The following PDSS1 variants were observed in gnomAD, a reference collection of about 807,000 sequenced individuals.
The protein encoded by PDSS1 is decaprenyl diphosphate synthase subunit 1, also known as all trans-polyprenyl-diphosphate synthase PDSS1.
In PDSS1, 43 loss-of-function variants were observed where a neutral mutation model predicts 57.5. The observed-to-expected ratio is 0.75, with a 90% CI of 0.59 to 0.96. The LOEUF (loss-of-function observed/expected upper bound fraction) is 0.96, where lower values mean the gene tolerates loss of function less well. PDSS1 is among the 50% of genes least tolerant of loss of function. The probability of loss-of-function intolerance (pLI) is 0.00; values close to 1 mark genes in which losing one functional copy is unlikely to be tolerated. For synonymous variants in PDSS1, 175 were observed against 191.3 expected (o/e 0.91, Z 0.70); for missense variants, 438 against 527.8 (o/e 0.83, Z 1.67).
At chr10:26,709,555 C>A in intron 4 of PDSS1, 83 bp from the exon 5 acceptor site, 1 of 1,411,134 alleles carries the variant, frequency 7.1e-7, no homozygotes, top group Non-Finnish European at 1.0e-6. Flanking sequence ...GAGCGAAACT[C>A]CGTCTCAAAA....
intron 1 of PDSS1, among the ~76,000 whole-genome samples, chr10:26,700,261 C>G (rs935279027): frequency 1.3e-5 from 2 of 148,850 alleles, no homozygotes; most frequent in African/African-American, 5.0e-5. Context: ...CCCTCCCCCC[C>G]ACCCCGCTTG....
At chr10:26,721,591 C>T (rs143070695) in intron 6 of PDSS1, among the ~76,000 whole-genome samples, 2 of 152,282 alleles carry the variant, frequency 1.3e-5, no homozygotes, top group East Asian at 3.9e-4. Flanking sequence ...GTCCTGTTGA[C>T]TAAATTCTGT....
intron 4 of PDSS1, among the ~76,000 whole-genome samples, chr10:26,709,086 A>G (rs1835335850): frequency 6.6e-6 from 1 of 152,092 alleles, no homozygotes; most frequent in Non-Finnish European, 1.5e-5. Context: ...TGATTCTGTC[A>G]GCGGGGCAGG....
intron 1 of PDSS1, among the ~76,000 whole-genome samples, chr10:26,699,201 G>A (rs1443516284): frequency 1.3e-5 from 2 of 152,140 alleles, no homozygotes; most frequent in Non-Finnish European, 2.9e-5. Context: ...ATGCTAGAGA[G>A]TAAAGAGAAC....
intron 1 of PDSS1, 127 bp downstream of exon 1, chr10:26,697,967 G>C (rs1588662961): frequency 1.1e-6 from 1 of 909,024 alleles, no homozygotes; most frequent in African/African-American, 1.7e-5. Flanking sequence ...TAGCTCCGGG[G>C]TAGCTCCGGG....
chr10:26,740,020 T>C (rs1383159587), intron 10 of PDSS1, among the ~76,000 whole-genome samples: 2 of 151,774 alleles, frequency 1.3e-5, no homozygotes, highest in Admixed American at 6.6e-5. Flanking sequence ...CTTGCGCCTG[T>C]AGTCCCAAGT....
At chr10:26,741,148 G>C (rs1265087873) in intron 10 of PDSS1, among the ~76,000 whole-genome samples, 1 of 152,116 alleles carries the variant, frequency 6.6e-6, no homozygotes, top group Non-Finnish European at 1.5e-5. Flanking sequence ...CCCCAAGCCA[G>C]TATAACCAAA....
At chr10:26,737,145 A>C (rs1234737988) in intron 10 of PDSS1, among the ~76,000 whole-genome samples, 3 of 152,180 alleles carry the variant, frequency 2.0e-5, no homozygotes, top group African/African-American at 4.8e-5. Context: ...TTTTCCCTGG[A>C]GAAGTCTATG....
rs1465057407 is a variant in PDSS1 at position 26,718,290 on chromosome 10, G to A, written c.468-1928G>A. Among the ~76,000 whole-genome samples the A allele has an allele frequency of 4.6e-5, 7 of 151,820 alleles. No individual in the cohort carries two copies. The East Asian group carries it at 5.9e-4, about 13-fold the overall frequency. On this transcript the variant is annotated intron_variant, in intron 5 of 11. Transcript: ENST00000376215. ...ACTCCTGACCTCAAGTGATCCGCCC[G>A]CCTCAGCCTTCCAGAGTGCTGGGAT... is the stretch of plus-strand genomic sequence containing the variant.
intron 5 of PDSS1, 77 bp from the exon 6 acceptor site, chr10:26,720,139 GAT>G: frequency 1.9e-6 from 3 of 1,600,440 alleles, no homozygotes; most frequent in South Asian, 2.2e-5. Flanking sequence ...TCCTAGATCC[GAT>G]GTCCAGTTTT....
chr10:26,727,320 G>GTT (rs1835987527), intron 8 of PDSS1, among the ~76,000 whole-genome samples: 1 of 140,316 alleles, frequency 7.1e-6, no homozygotes, highest in South Asian at 2.2e-4. Context: ...ATCCTGCCTT[G>GTT]TTTCTCTCTC....
chr10:26,742,660 A>G, intron 11 of PDSS1, 83 bp downstream of exon 11: 1 of 787,814 alleles, frequency 1.3e-6, no homozygotes, highest in Non-Finnish European at 2.2e-6. Context: ...CATTAACTAA[A>G]CATTAAATTA....
At chr10:26,742,679 A>G (rs1836670236) in intron 11 of PDSS1, 102 bp downstream of exon 11, 7 of 739,300 alleles carry the variant, frequency 9.5e-6, no homozygotes, top group South Asian at 8.8e-5. Context: ...TATAGATACA[A>G]GACTGTTTGG....
chr10:26,698,139 C>T (rs1244489240), intron 1 of PDSS1, among the ~76,000 whole-genome samples: 2 of 151,322 alleles, frequency 1.3e-5, no homozygotes, highest in African/African-American at 4.8e-5. Flanking sequence ...GGGGGAAGCG[C>T]AGGAGCGATC....
chr10:26,745,433 A>C (rs11015262), intron 11 of PDSS1, among the ~76,000 whole-genome samples: 23,272 of 152,216 alleles, frequency 0.15, 2,274 homozygotes, highest in African/African-American at 0.28. Context: ...GCTACCTAAC[A>C]GAAGTAATCA....
intron 1 of PDSS1, among the ~76,000 whole-genome samples, chr10:26,698,849 C>T (rs1834958795): frequency 6.6e-6 from 1 of 152,210 alleles, no homozygotes; most frequent in Non-Finnish European, 1.5e-5. Context: ...TTGGGCCAGG[C>T]ACAGTGGCTC....
Position 26,746,610 on chromosome 10 carries a change from ATT to A in PDSS1, c.*145_*146del. The A allele has an allele frequency of 1.1e-6, 1 of 873,136 alleles. No individual in the cohort carries two copies. The allele number at this position is 873,136 out of a possible 1,614,324, so 54.1% of individuals were successfully genotyped here. On this transcript the variant is annotated 3_prime_UTR_variant, in exon 12 of 12. Transcript: ENST00000376215. ...TATCAAACTTATTGATGGGCAATTT[ATT>A]TTTTTTTATTGCAAAAGTTTTTTCA...
At chr10:26,728,774 CTTTTTTTTTT>C (rs33930147) in intron 8 of PDSS1, among the ~76,000 whole-genome samples, 4 of 84,570 alleles carry the variant, frequency 4.7e-5, no homozygotes, top group African/African-American at 9.5e-5. Context: ...TATTCTGTAT[CTTTTTTTTTT>C]TTTTTTTTTT....
At chr10:26,701,865 T>C in intron 1 of PDSS1, 1 of 454,760 alleles carries the variant, frequency 2.2e-6, no homozygotes, top group South Asian at 1.6e-5. Context: ...CTGCAGGCAC[T>C]CAATGCCAGC....
Sources: allele counts gnomAD v4.1 joint callset (sites outside exome capture counted in the v4.1 genomes callset), GRCh38; gene constraint gnomAD v4.1.1; transcripts MANE v1.5; gene names NCBI Gene and HGNC (gene_info 2026-07-23, HGNC 2026-07-21).